CLASP2: variants seen among roughly 807,000 people sequenced by gnomAD.
CLASP2 encodes CLIP-associating protein 2.
Under a neutral mutation model 194.4 loss-of-function variants are expected in CLASP2, and 47 were observed. That is an observed-to-expected ratio of 0.24 (90% CI 0.19 to 0.31). The LOEUF (loss-of-function observed/expected upper bound fraction) is 0.31, where lower values mean the gene tolerates loss of function less well. Ranked by LOEUF, CLASP2 falls within the 10% of genes least tolerant of loss-of-function variation. The pLI is 1.00. For synonymous variants in CLASP2, 619 were observed against 633.5 expected (o/e 0.98, Z 0.34); for missense variants, 1,445 against 1,823.6 (o/e 0.79, Z 3.78).
At chr3:33,673,903 T>C (rs2154339464) in intron 6 of CLASP2, among the ~76,000 whole-genome samples, 1 of 152,274 alleles carries the variant, frequency 6.6e-6, no homozygotes, top group East Asian at 1.9e-4. Context: ...CTATCCTAAA[T>C]ATATATGCAC....
intron 30 of CLASP2, among the ~76,000 whole-genome samples, chr3:33,548,714 A>AT: frequency 7.4e-6 from 1 of 135,278 alleles, no homozygotes; most frequent in Middle Eastern, 4.6e-3. Flanking sequence ...AGCTTGAGAC[A>AT]TTTTCTAGTG....
intron 18 of CLASP2, among the ~76,000 whole-genome samples, chr3:33,598,339 T>C (rs573792263): frequency 6.6e-6 from 1 of 152,154 alleles, no homozygotes; most frequent in African/African-American, 2.4e-5. Flanking sequence ...CCAATCACAC[T>C]CTTCTTAATG....
intron 34 of CLASP2, among the ~76,000 whole-genome samples, chr3:33,534,733 G>A (rs145658666): frequency 1.3e-5 from 2 of 152,316 alleles, no homozygotes; most frequent in African/African-American, 2.4e-5. Context: ...GCCAGGCTAT[G>A]CAGCTTAGTA....
rs888588880 is a variant in CLASP2 at position 33,674,035 on chromosome 3, G to A, written c.644+10324C>T. Among the ~76,000 whole-genome samples, 4 of 152,036 alleles carry A rather than the reference G, an allele frequency of 2.6e-5. No homozygotes were observed. The East Asian group carries it at 5.8e-4, about 22-fold the overall frequency. ...CACTGTCAACATTAGACAGATCAAC[G>A]AGACAGAAAGTCAACAAGGATACCC... is the stretch of plus-strand genomic sequence containing the variant. On this transcript the variant is annotated intron_variant, in intron 6 of 38. Transcript: ENST00000682230.
At chr3:33,538,744 T>C in intron 33 of CLASP2, 45 bp downstream of exon 33, 1 of 1,424,954 alleles carries the variant, frequency 7.0e-7, no homozygotes, top group Non-Finnish European at 9.3e-7. Context: ...AAATTATTAA[T>C]GAACAATAAA....
At chr3:33,526,774 G>A (rs1404637579) in intron 34 of CLASP2, among the ~76,000 whole-genome samples, 3 of 152,044 alleles carry the variant, frequency 2.0e-5, no homozygotes, top group Admixed American at 6.6e-5. Context: ...AATCATACCA[G>A]ACACAAGCTT....
chr3:33,673,181 G>A (rs1392464907), intron 6 of CLASP2, among the ~76,000 whole-genome samples: 1 of 152,164 alleles, frequency 6.6e-6, no homozygotes, highest in Non-Finnish European at 1.5e-5. Context: ...AATGTTAAGG[G>A]CAGCCAGAGA....
At chr3:33,591,146 T>C (rs1229131256) in intron 21 of CLASP2, among the ~76,000 whole-genome samples, 2 of 151,690 alleles carry the variant, frequency 1.3e-5, no homozygotes, top group African/African-American at 4.8e-5. Context: ...CACTGCACTA[T>C]AGCCTGGGTG....
intron 6 of CLASP2, among the ~76,000 whole-genome samples, chr3:33,677,347 A>T (rs2154341229): frequency 6.6e-6 from 1 of 150,926 alleles, no homozygotes; most frequent in Non-Finnish European, 1.5e-5. Flanking sequence ...AATGTGGCAC[A>T]TATACACCAT....
intron 30 of CLASP2, among the ~76,000 whole-genome samples, chr3:33,549,411 A>G (rs1424736270): frequency 6.6e-6 from 1 of 152,178 alleles, no homozygotes; most frequent in African/African-American, 2.4e-5. Context: ...ACATTTTGGT[A>G]TGCCATGTCT....
intron 25 of CLASP2, among the ~76,000 whole-genome samples, chr3:33,572,115 G>A (rs1422447685): frequency 1.3e-5 from 2 of 152,050 alleles, no homozygotes; most frequent in Non-Finnish European, 2.9e-5. Context: ...TTACTCCCTT[G>A]CCATTTAAAA....
chr3:33,552,058 G>A (rs942210087), intron 29 of CLASP2, among the ~76,000 whole-genome samples: 2 of 150,252 alleles, frequency 1.3e-5, no homozygotes, highest in African/African-American at 4.9e-5. Context: ...AGTTATACAA[G>A]TACCACTGAA....
intron 3 of CLASP2, 87 bp downstream of exon 3, chr3:33,689,742 A>G (rs764359638): frequency 1.2e-6 from 1 of 808,350 alleles, no homozygotes; most frequent in Non-Finnish European, 1.8e-6. Context: ...ATCATTGCTT[A>G]AAATTTCAGT....
Position 33,501,705 on chromosome 3 carries a change from C to T in CLASP2, c.4381G>A (p.Ala1461Thr). ...ACVFCLVAVH[A>T]VIGDELKPHL... is the part of the protein sequence containing the mutation. ...GGTTTTAGTTCATCACCAATTACCG[C>T]ATGAACAGCCACCAGGCAGAAGACA... Residue 1461 changes from alanine (A) to threonine (T), a missense_variant, in exon 38 of 39, where the codon GCG (alanine) becomes ACG (threonine). Physicochemically the swap from Ala to Thr is moderately conservative, Grantham distance 58 (BLOSUM62 0). Transcript: ENST00000682230. The T allele has an allele frequency of 6.2e-7, 1 of 1,613,736 alleles. No homozygotes were observed. The highest frequency in any genetic ancestry group is 8.5e-7 in the Non-Finnish European group (1 of 1,179,718).
chr3:33,551,395 C>T lies in CLASP2; in HGVS notation c.3010G>A (p.Val1004Met). 1.2e-6 allele frequency: 2 copies of T among 1,612,122 alleles called. No homozygotes were observed. Among genetic ancestry groups the T allele is most frequent in the Non-Finnish European group, 1.7e-6 (2 of 1,178,882 alleles). Residue 1004 changes from valine to methionine, a missense_variant and splice_region_variant, in exon 30 of 39, where the codon GTG becomes ATG. Transcript: ENST00000682230. Reference protein sequence around the residue: ...VDQTQTPSLKVKVAILKYIET... With the variant: ...VDQTQTPSLKMKVAILKYIET... Reference sequence around the variant, plus strand: ...ATGTATTTAAGGATAGCAACCTTCACCTGCAGAGGAAAGCACAAAGAGAAA... The same window carrying T: ...ATGTATTTAAGGATAGCAACCTTCATCTGCAGAGGAAAGCACAAAGAGAAA...
At chr3:33,672,236 C>T (rs185899384) in intron 6 of CLASP2, among the ~76,000 whole-genome samples, 330 of 152,310 alleles carry the variant, frequency 2.2e-3, no homozygotes, top group Admixed American at 3.8e-3. Flanking sequence ...GGGGACTCCT[C>T]TGAGACAAAA....
At chr3:33,599,123 ATTT>A (rs2071307965) in intron 18 of CLASP2, among the ~76,000 whole-genome samples, 1 of 151,812 alleles carries the variant, frequency 6.6e-6, no homozygotes, top group Non-Finnish European at 1.5e-5. Flanking sequence ...TTATTTATTT[ATTT>A]ATTTATTTTG....
chr3:33,717,134 T>G (rs552566091), intron 1 of CLASP2, among the ~76,000 whole-genome samples: 3 of 152,332 alleles, frequency 2.0e-5, no homozygotes, highest in African/African-American at 7.2e-5. Context: ...CCCCCAGCAT[T>G]AGCCTATCTA....
chr3:33,581,038 A>T (rs1212104966), intron 23 of CLASP2, among the ~76,000 whole-genome samples: 1 of 150,556 alleles, frequency 6.6e-6, no homozygotes, highest in Non-Finnish European at 1.5e-5. Context: ...AAAAGAAAGA[A>T]AGAAAAAAAA....
Sources: gnomAD v4.1 joint callset for allele counts (sites outside exome capture counted in the v4.1 genomes callset) on GRCh38, gnomAD v4.1.1 for gene constraint, MANE v1.5 for transcripts, NCBI Gene and HGNC (gene_info 2026-07-23, HGNC 2026-07-21) for gene names.